The following NAV2 variants were observed in gnomAD, a reference collection of about 807,000 sequenced individuals.
NAV2 encodes helicase, APC down-regulated 1.
In NAV2, 54 loss-of-function variants were observed where a neutral mutation model predicts 223.2. That is an observed-to-expected ratio of 0.24 (90% confidence interval 0.19 to 0.30). The LOEUF is 0.30. Among genes scored for constraint, NAV2 ranks in the 10% least tolerant of loss-of-function variants. The probability of loss-of-function intolerance (pLI) is 1.00; values close to 1 mark genes in which losing one functional copy is unlikely to be tolerated. For synonymous variants in NAV2, 1,279 were observed against 1,239.3 expected (o/e 1.03, Z -0.67); for missense variants, 2,806 against 3,147.5 (o/e 0.89, Z 2.60).
chr11:19,414,494 TG>T (rs1850281399), intron 1 of NAV2, among the ~76,000 whole-genome samples: 1 of 152,150 alleles, frequency 6.6e-6, no homozygotes, highest in Non-Finnish European at 1.5e-5. Context: ...ACAATAATAG[TG>T]GGAGATTTTA....
At chr11:19,877,633 C>T (rs765167036) in intron 4 of NAV2, among the ~76,000 whole-genome samples, 1 of 151,774 alleles carries the variant, frequency 6.6e-6, no homozygotes, top group African/African-American at 2.4e-5. Flanking sequence ...CCACCACGCC[C>T]GGCTAATTTT....
chr11:20,114,511 G>C, intron 36 of NAV2, 81 bp from the exon 37 acceptor site: 1 of 1,360,290 alleles, frequency 7.4e-7, no homozygotes, highest in Non-Finnish European at 1.0e-6. Flanking sequence ...GATTTGGGGA[G>C]TTTTTCAGAA....
At chr11:19,610,365 G>T (rs150120799) in intron 1 of NAV2, among the ~76,000 whole-genome samples, 1 of 152,300 alleles carries the variant, frequency 6.6e-6, no homozygotes, top group East Asian at 1.9e-4. Context: ...GGAAAATAAA[G>T]GGATGGGGAA....
At chr11:19,676,389 T>G (rs1472316047) in intron 1 of NAV2, among the ~76,000 whole-genome samples, 1 of 152,048 alleles carries the variant, frequency 6.6e-6, no homozygotes, top group East Asian at 1.9e-4. Context: ...ATACTACCAA[T>G]CCTAGTGATT....
intron 1 of NAV2, among the ~76,000 whole-genome samples, chr11:19,465,206 C>T (rs1852307915): frequency 6.6e-6 from 1 of 152,164 alleles, no homozygotes; most frequent in Non-Finnish European, 1.5e-5. Context: ...AGTGTCATTG[C>T]TCCTGAGGTT....
chr11:19,517,602 G>A (rs1369362696), intron 1 of NAV2, among the ~76,000 whole-genome samples: 2 of 152,190 alleles, frequency 1.3e-5, no homozygotes, highest in African/African-American at 4.8e-5. Flanking sequence ...AGTCATTCCA[G>A]AATTTCAGGA....
chr11:19,489,136 C>G (rs934276099), intron 1 of NAV2, among the ~76,000 whole-genome samples: 1 of 152,218 alleles, frequency 6.6e-6, no homozygotes, highest in Non-Finnish European at 1.5e-5. Context: ...CTTTACCCCA[C>G]AGAAGAGGTG....
intron 1 of NAV2, among the ~76,000 whole-genome samples, chr11:19,536,320 C>A (rs1360280967): frequency 6.6e-6 from 1 of 152,186 alleles, no homozygotes; most frequent in Non-Finnish European, 1.5e-5. Flanking sequence ...CTGTCGACTG[C>A]ACTATGCTGG....
intron 1 of NAV2, among the ~76,000 whole-genome samples, chr11:19,440,001 T>G (rs909475610): frequency 2.0e-5 from 3 of 152,220 alleles, no homozygotes; most frequent in Non-Finnish European, 2.9e-5. Flanking sequence ...GACCAGACCT[T>G]CAGCAAAACG....
At chr11:19,423,650 G>A (rs1850707949) in intron 1 of NAV2, among the ~76,000 whole-genome samples, 1 of 152,222 alleles carries the variant, frequency 6.6e-6, no homozygotes, top group African/African-American at 2.4e-5. Flanking sequence ...GGAAACAGTG[G>A]CTCAGAGATT....
chr11:19,374,348 A>G (rs1590073787), intron 1 of NAV2, among the ~76,000 whole-genome samples: 1 of 146,934 alleles, frequency 6.8e-6, no homozygotes, highest in East Asian at 2.0e-4. Flanking sequence ...TCAGCTATTA[A>G]ATGACTCACC....
rs373028906 is a variant in NAV2, at chr11:19,939,824, C to T, written c.2146+51C>T. 1.1e-4 allele frequency: 142 copies of T among 1,328,698 alleles called. 1 individual carries two copies. In the African/African-American group the frequency reaches 1.2e-3, roughly 12 times the overall value. 82.3% of individuals were successfully genotyped at this position (1,328,698 alleles called of 1,614,324 possible). On this transcript the variant is annotated intron_variant, in intron 8 of 37. Coordinates refer to ENST00000349880, the MANE Select transcript of NAV2 (RefSeq NM_145117.5). ...TGTCTGTTGGTGATGAGGCCTTCCACGCAATACCTGCTGGAACAGCATGAA... is the reference window on the plus strand; with the variant it reads ...TGTCTGTTGGTGATGAGGCCTTCCATGCAATACCTGCTGGAACAGCATGAA...
chr11:19,864,260 T>C (rs1372979451), intron 3 of NAV2, among the ~76,000 whole-genome samples: 3 of 152,208 alleles, frequency 2.0e-5, no homozygotes, highest in Non-Finnish European at 4.4e-5. Flanking sequence ...ATGCCCAGAA[T>C]GTCATCTTCC....
rs947778973 is a variant in NAV2 at position 19,622,863 on chromosome 11, T to C, written c.76-209621T>C. ...TGATGCAGTTTCTTCCTAGCATCGA[T>C]GGTCTTTACAATTTGGCATGTTTTT... On this transcript the variant is annotated intron_variant, in intron 1 of 37. Transcript: ENST00000360655. 4.6e-5 allele frequency among the ~76,000 whole-genome samples: 7 copies of C among 152,352 alleles called. No individual in the cohort carries two copies. The East Asian group carries it at 7.7e-4, about 17-fold the overall frequency.
At chr11:19,550,868 T>C (rs2044667699) in intron 1 of NAV2, among the ~76,000 whole-genome samples, 1 of 152,244 alleles carries the variant, frequency 6.6e-6, no homozygotes, top group Non-Finnish European at 1.5e-5. Context: ...CAAGAGTTAC[T>C]GCCCCTTTCC....
intron 25 of NAV2, among the ~76,000 whole-genome samples, chr11:20,080,757 C>A (rs2060041260): frequency 6.6e-6 from 1 of 152,138 alleles, no homozygotes; most frequent in African/African-American, 2.4e-5. Flanking sequence ...AGGGGTTGTA[C>A]CTCAAATAGC....
chr11:19,665,937 G>A (rs1399938204), intron 1 of NAV2, among the ~76,000 whole-genome samples: 3 of 151,652 alleles, frequency 2.0e-5, no homozygotes, highest in Non-Finnish European at 2.9e-5. Flanking sequence ...CATCATCATC[G>A]TCATCATCAT....
chr11:19,706,422 C>A (rs192465347), intron 1 of NAV2, among the ~76,000 whole-genome samples: 2 of 152,158 alleles, frequency 1.3e-5, no homozygotes, highest in Admixed American at 1.3e-4. Context: ...AATCAACATA[C>A]CTGATAACCC....
intron 1 of NAV2, among the ~76,000 whole-genome samples, chr11:19,488,287 T>A (rs577145729): frequency 6.6e-6 from 1 of 152,218 alleles, no homozygotes; most frequent in Non-Finnish European, 1.5e-5. Flanking sequence ...CTACTCTAAA[T>A]ACAGTGATGT....
Sources: gnomAD v4.1 joint callset for allele counts (sites outside exome capture counted in the v4.1 genomes callset) on GRCh38, gnomAD v4.1.1 for gene constraint, MANE v1.5 for transcripts, NCBI Gene and HGNC (gene_info 2026-07-23, HGNC 2026-07-21) for gene names.